PDE1C: variants seen among roughly 807,000 people sequenced by gnomAD.
PDE1C encodes the protein dual specificity calcium/calmodulin-dependent 3',5'-cyclic nucleotide phosphodiesterase 1C.
Under a neutral mutation model 93.1 loss-of-function variants are expected in PDE1C, and 62 were observed. The ratio of observed to expected loss-of-function variants is 0.67; its 90% CI spans 0.54 to 0.82. The LOEUF (loss-of-function observed/expected upper bound fraction) is 0.82. Ranked by LOEUF, PDE1C falls within the 40% of genes least tolerant of loss-of-function variation. The probability of loss-of-function intolerance (pLI) is 0.00; values close to 1 mark genes in which losing one functional copy is unlikely to be tolerated. For missense variants in PDE1C, 742 were observed against 884.6 expected, an observed-to-expected ratio of 0.84 and a Z score of 2.04; for synonymous variants, 325 against 310.1, an observed-to-expected ratio of 1.05 and a Z score of -0.50.
At chr7:32,048,899 T>TA (rs1481739684) in intron 2 of PDE1C, among the ~76,000 whole-genome samples, 1 of 151,998 alleles carries the variant, frequency 6.6e-6, no homozygotes, top group Non-Finnish European at 1.5e-5. Context: ...AGTGACAAAA[T>TA]AAAAAAAGGC....
At chr7:31,949,015 C>T (rs1401061555) in intron 2 of PDE1C, among the ~76,000 whole-genome samples, 2 of 152,158 alleles carry the variant, frequency 1.3e-5, no homozygotes, top group African/African-American at 2.4e-5. Flanking sequence ...GAGGCTGACA[C>T]ACTGTCTCCA....
downstream of PDE1C, among the ~76,000 whole-genome samples, chr7:31,747,060 C>T (rs1285061304): frequency 6.6e-6 from 1 of 152,156 alleles, no homozygotes; most frequent in African/African-American, 2.4e-5. Context: ...GGGAAACTCA[C>T]AATCCTGAGT....
At chr7:32,370,447 CAAAAA>C (rs34494376) in intron 1 of PDE1C, among the ~76,000 whole-genome samples, 7 of 120,228 alleles carry the variant, frequency 5.8e-5, no homozygotes, top group Admixed American at 8.4e-5. Context: ...AGACTCCTCT[CAAAAA>C]AAAAAAAAAA....
chr7:31,643,935 A>G, the PDE1C span: 1 of 1,611,780 alleles, frequency 6.2e-7, no homozygotes, highest in African/African-American at 1.3e-5. Flanking sequence ...AGGACACTAC[A>G]GTGAGGGAGC....
intron 2 of PDE1C, among the ~76,000 whole-genome samples, chr7:32,206,414 C>CA (rs1032822994): frequency 6.6e-6 from 1 of 152,154 alleles, no homozygotes; most frequent in Non-Finnish European, 1.5e-5. Context: ...TTGCATAAAA[C>CA]AGACATGTCT....
intron 2 of PDE1C, among the ~76,000 whole-genome samples, chr7:32,045,667 G>A (rs1302843736): frequency 1.3e-5 from 2 of 152,122 alleles, no homozygotes; most frequent in Admixed American, 6.6e-5. Context: ...TAATTGCAAA[G>A]GTAGGGGACA....
chr7:31,671,576 C>T, the PDE1C span, among the ~76,000 whole-genome samples: 1 of 152,124 alleles, frequency 6.6e-6, no homozygotes, highest in African/African-American at 2.4e-5. Flanking sequence ...CGACCCACCC[C>T]ACCACACCCC....
chr7:32,350,567 TATATATATATATATATATATATA>T lies in PDE1C; in HGVS notation c.310+77232_310+77254del, dbSNP rs1339012157. On this transcript the variant is annotated intron_variant, in intron 1 of 1. Transcript: ENST00000672256. ...TGACTAATATATATATATATATATA[TATATATATATATATATATATATA>T]TTTTTTTTTTTTTTTTTATTATACT... Among the ~76,000 whole-genome samples, 19 of 5,160 alleles carry T rather than the reference TATATATATATATATATATATATA, an allele frequency of 3.7e-3. 5 individuals are homozygous for T. The highest frequency in any genetic ancestry group is 6.7e-3 in the African/African-American group (19 of 2,828). The allele number at this position is 5,160 out of a possible 152,430, so 3.4% of individuals were successfully genotyped here.
chr7:31,814,943 A>G (rs919465072), intron 15 of PDE1C, among the ~76,000 whole-genome samples: 4 of 151,836 alleles, frequency 2.6e-5, no homozygotes, highest in Non-Finnish European at 5.9e-5. Context: ...CAACCTGTCA[A>G]TTGCAAGCTC....
intron 16 of PDE1C, among the ~76,000 whole-genome samples, chr7:31,796,102 TAC>T (rs1192401660): frequency 2.0e-5 from 3 of 150,694 alleles, no homozygotes; most frequent in East Asian, 3.9e-4. Context: ...TATATCTATA[TAC>T]ACACACATAT....
chr7:31,930,362 C>T (rs1804024344), intron 2 of PDE1C, among the ~76,000 whole-genome samples: 1 of 151,978 alleles, frequency 6.6e-6, no homozygotes, highest in Non-Finnish European at 1.5e-5. Context: ...CCTTCTGAAA[C>T]TATTCCAAAC....
chr7:32,288,699 A>C (rs528510736), intron 1 of PDE1C, among the ~76,000 whole-genome samples: 1 of 152,238 alleles, frequency 6.6e-6, no homozygotes, highest in Non-Finnish European at 1.5e-5. Flanking sequence ...CACTAGATAC[A>C]GTGGACCTTT....
intron 1 of PDE1C, among the ~76,000 whole-genome samples, chr7:32,422,531 A>C (rs28619373): frequency 0.054 from 7,625 of 140,752 alleles, 363 homozygotes; most frequent in East Asian, 0.13. Context: ...TTGTTGCCAT[A>C]TTTATGTTCC....
chr7:32,103,051 T>C (rs533907896), intron 3 of PDE1C, among the ~76,000 whole-genome samples: 7 of 152,316 alleles, frequency 4.6e-5, no homozygotes, highest in African/African-American at 1.7e-4. Flanking sequence ...GAGAATTCCT[T>C]GGGCTAAAAG....
downstream of PDE1C, among the ~76,000 whole-genome samples, chr7:31,747,692 G>A (rs1290348480): frequency 2.0e-5 from 3 of 152,106 alleles, no homozygotes; most frequent in African/African-American, 7.2e-5. Context: ...TTATGGGCAA[G>A]TTGGTGGGCA....
chr7:32,156,202 T>C (rs1175696104), intron 3 of PDE1C, among the ~76,000 whole-genome samples: 1 of 152,218 alleles, frequency 6.6e-6, no homozygotes, highest in Non-Finnish European at 1.5e-5. Context: ...ATGTGTGCCA[T>C]GGTGGTTTGC....
rs200895140 is a variant in PDE1C at position 31,816,057 on chromosome 7, T to A, written c.1680A>T (p.Ala560=). The A allele has an allele frequency of 3.7e-6, 6 of 1,613,956 alleles. No homozygotes were observed. The East Asian group carries it at 1.1e-4, about 30-fold the overall frequency. The change falls in exon 15 of 18, where the codon GCA becomes GCT. Residue 560 remains alanine (A), a synonymous_variant. Transcript: ENST00000396191. ...MEAKSQAEEG[A]SGKAEKKTSG... ...ACGTCTTTTTCTCAGCTTTGCCAGA[T>A]GCGCCTTCTTCAGCCTGGCTTTTGG...
At chr7:31,986,142 C>T (rs775748541) in intron 2 of PDE1C, among the ~76,000 whole-genome samples, 18 of 151,672 alleles carry the variant, frequency 1.2e-4, no homozygotes, top group Admixed American at 2.6e-4. Context: ...GGGAACTAGA[C>T]GTCCAAAATC....
At chr7:31,642,692 T>C in the PDE1C span, 11 of 1,613,198 alleles carry the variant, frequency 6.8e-6, no homozygotes, top group South Asian at 1.2e-4. Context: ...ATGCCTTCCT[T>C]GCCAAACAGC....
Sources: allele counts gnomAD v4.1 joint callset (sites outside exome capture counted in the v4.1 genomes callset), GRCh38; gene constraint gnomAD v4.1.1; transcripts MANE v1.5; gene names NCBI Gene and HGNC (gene_info 2026-07-23, HGNC 2026-07-21).